Variants in ZNF641 observed in about 807,000 individuals in gnomAD.
The protein encoded by ZNF641 is zinc finger protein 641.
A neutral mutation model predicts 46.2 loss-of-function variants in ZNF641; 26 were observed. That is an observed-to-expected ratio of 0.56 (90% CI 0.41 to 0.78). ZNF641 has a LOEUF of 0.78. Ranked by LOEUF, ZNF641 falls within the 30% of genes least tolerant of loss-of-function variation. ZNF641 has a pLI of 0.00. For missense variants in ZNF641, 469 were observed against 517.8 expected, an observed-to-expected ratio of 0.91 and a Z score of 0.91; for synonymous variants, 163 against 187.9, an observed-to-expected ratio of 0.87 and a Z score of 1.09.
At position 48,342,227 on chromosome 12, in the gene ZNF641, G is replaced by C. The variant is rs1001356602; in HGVS notation, c.*746C>G. Reference sequence around the variant, plus strand: ...GGATATATGTATGTGCAGGATGAAGGGAGTAGGAATAATGGGTAAAAAGGT... The same window carrying C: ...GGATATATGTATGTGCAGGATGAAGCGAGTAGGAATAATGGGTAAAAAGGT... On this transcript the variant is annotated 3_prime_UTR_variant, in exon 6 of 6. Transcript: ENST00000547026. 1.0e-6 allele frequency: 1 copy of C among 985,396 alleles called. No homozygotes were observed. Among genetic ancestry groups the C allele is most frequent in the African/African-American group, 1.7e-5 (1 of 57,236 alleles). 61.0% of individuals were successfully genotyped at this position (985,396 alleles called of 1,614,324 possible). A position where few individuals can be genotyped will look rare whatever the true frequency, so the allele number is the denominator to read the frequency against.
chr12:48,347,859 A>T, intron 2 of ZNF641, 48 bp downstream of exon 2: 1 of 1,574,040 alleles, frequency 6.4e-7, no homozygotes, highest in Non-Finnish European at 8.7e-7. Context: ...TGGAATAAAT[A>T]TTAGGAGACT....
In ZNF641 at chr12:48,347,953, G is replaced by C. The variant is rs1010683198; in HGVS notation, c.138C>G (p.His46Gln). The C allele has an allele frequency of 6.2e-7, 1 of 1,614,080 alleles. No homozygotes were observed. The highest frequency in any genetic ancestry group is 8.5e-7 in the Non-Finnish European group (1 of 1,180,016). ...PWRTVPGPLEHLCCDLEEEPQ... is the reference protein window; with the variant it reads ...PWRTVPGPLEQLCCDLEEEPQ... ...GCTCCTCTTCAAGGTCACAGCACAG[G>C]TGCTCCAGAGGTCCTGGTACTGTTC... The change falls in exon 2 of 6, where the codon CAC becomes CAG. Residue 46 changes from histidine to glutamine, a missense_variant. Around this residue, in one of 3 missense-constraint regions of ZNF641, gnomAD observed 98 missense variants for 105.7 expected, o/e 0.93. Coordinates refer to ENST00000547026, the MANE Select transcript of ZNF641 (RefSeq NM_001172681.2).
intron 1 of ZNF641, among the ~76,000 whole-genome samples, chr12:48,348,912 GTTTA>G (rs1565995691): frequency 1.3e-5 from 2 of 152,298 alleles, no homozygotes; most frequent in Admixed American, 6.5e-5. Context: ...GAACAAACCT[GTTTA>G]TTTGTCAGGC....
At position 48,350,896 on chromosome 12, in the gene ZNF641, G is replaced by A. The variant is rs939482211; in HGVS notation, c.-136C>T. ...CCGGCGGCCGGCGGAGCCAGCGACAGGCGGAGACGGCGGCCCGGCAGGCGC... is the reference window on the plus strand; with the variant it reads ...CCGGCGGCCGGCGGAGCCAGCGACAAGCGGAGACGGCGGCCCGGCAGGCGC... On this transcript the variant is annotated 5_prime_UTR_variant, in exon 1 of 6. Transcript: ENST00000547026. 2.0e-6 allele frequency: 2 copies of A among 982,822 alleles called. No homozygotes were observed. The highest frequency in any genetic ancestry group is 9.4e-5 in the South Asian group (2 of 21,252). The allele number at this position is 982,822 out of a possible 1,614,324, so 60.9% of individuals were successfully genotyped here.
Position 48,340,208 on chromosome 12 carries a change from T to C in ZNF641, c.*2765A>G. 2.0e-6 allele frequency: 2 copies of C among 985,420 alleles called. No homozygotes were observed. The highest frequency in any genetic ancestry group is 2.4e-6 in the Non-Finnish European group (2 of 829,934). The allele number at this position is 985,420 out of a possible 1,614,324, so 61.0% of individuals were successfully genotyped here. ...AGAGAAGACAGTGGTACACCAGAAA[T>C]AACCCAAAGGATTGCCCCTTCTGTA... On this transcript the variant is annotated 3_prime_UTR_variant, in exon 6 of 6. Coordinates refer to ENST00000547026, the MANE Select transcript of ZNF641 (RefSeq NM_001172681.2).
At position 48,350,822 on chromosome 12, in the gene ZNF641, C is replaced by T. The variant is rs944148601; in HGVS notation, c.-62G>A. On this transcript the variant is annotated 5_prime_UTR_variant, in exon 1 of 6. Coordinates refer to ENST00000547026, the MANE Select transcript of ZNF641 (RefSeq NM_001172681.2). ...TTGGCCCGCGGCCCGGTGCCTCCCT[C>T]CCGGGCGCCGCCTGCCCCTCCCCTC... The T allele has an allele frequency of 2.0e-6, 2 of 985,068 alleles. No homozygotes were observed. Among genetic ancestry groups the T allele is most frequent in the Non-Finnish European group, 2.4e-6 (2 of 829,758 alleles). 61.0% of individuals were successfully genotyped at this position (985,068 alleles called of 1,614,324 possible).
chr12:48,337,192 TA>T lies in ZNF641; in HGVS notation c.*5780del, dbSNP rs1478825380. Reference sequence around the variant, plus strand: ...GAGAACAAATAAGTGACACAGCCAATACATCTTTTATTCAACTGACAGGGAC... The same window carrying T: ...GAGAACAAATAAGTGACACAGCCAATCATCTTTTATTCAACTGACAGGGAC... On this transcript the variant is annotated 3_prime_UTR_variant, in exon 6 of 6. Transcript: ENST00000547026. 3 of 152,236 alleles carry T rather than the reference TA, an allele frequency of 2.0e-5. No individual in the cohort carries two copies. The East Asian group carries it at 5.8e-4, about 29-fold the overall frequency. The allele number at this position is 152,236 out of a possible 1,614,324, so 9.4% of individuals were successfully genotyped here.
At chr12:48,345,103 C>A (rs1347999307) in intron 4 of ZNF641, among the ~76,000 whole-genome samples, 3 of 152,088 alleles carry the variant, frequency 2.0e-5, no homozygotes, top group African/African-American at 7.2e-5. Flanking sequence ...AATTCCCAAC[C>A]AAGAAGAACC....
Position 48,339,223 on chromosome 12 carries a change from G to GAAC in ZNF641, c.*3749_*3750insGTT, listed in dbSNP as rs1565984633. 1 of 152,176 alleles carries GAAC rather than the reference G, an allele frequency of 6.6e-6. No individual in the cohort carries two copies. Among genetic ancestry groups the GAAC allele is most frequent in the African/African-American group, 2.4e-5 (1 of 41,430 alleles). 9.4% of individuals were successfully genotyped at this position (152,176 alleles called of 1,614,324 possible). The stretch of plus-strand genomic sequence containing the variant: ...GGGAATGGAACTGAGGTCTAGCCTA[G>GAAC]TGAGGCTACAGAGAATAAACCTGAC... On this transcript the variant is annotated 3_prime_UTR_variant, in exon 6 of 6. Coordinates refer to ENST00000547026, the MANE Select transcript of ZNF641 (RefSeq NM_001172681.2).
rs1483462544 is a variant in ZNF641 at position 48,349,983 on chromosome 12, A to G, written c.-26+803T>C. 5 of 1,602,250 alleles carry G rather than the reference A, an allele frequency of 3.1e-6. No homozygotes were observed. In the South Asian group the frequency reaches 3.3e-5, roughly 11 times the overall value. ...CATTGGGCCAGCTGTAAGTTTTTCTATACCACTGACAGAAATCCGTGGAAG... is the reference window on the plus strand; with the variant it reads ...CATTGGGCCAGCTGTAAGTTTTTCTGTACCACTGACAGAAATCCGTGGAAG... On this transcript the variant is annotated intron_variant, in intron 1 of 5. Coordinates refer to ENST00000547026, the MANE Select transcript of ZNF641 (RefSeq NM_001172681.2).
At chr12:48,344,199 C>CT (rs1288708132) in intron 5 of ZNF641, among the ~76,000 whole-genome samples, 1 of 152,162 alleles carries the variant, frequency 6.6e-6, no homozygotes, top group Non-Finnish European at 1.5e-5. Flanking sequence ...TGAATGACAC[C>CT]TGTCGGCAGT....
chr12:48,340,190 A>G lies in ZNF641; in HGVS notation c.*2783T>C, dbSNP rs145270611. The G allele has an allele frequency of 1.4e-3, 1,378 of 985,394 alleles. 14 individuals carry two copies. The African/African-American group carries it at 0.022, about 16-fold the overall frequency. 61.0% of individuals were successfully genotyped at this position (985,394 alleles called of 1,614,324 possible). A position where few individuals can be genotyped will look rare whatever the true frequency, so the allele number is the denominator to read the frequency against. On this transcript the variant is annotated 3_prime_UTR_variant, in exon 6 of 6. Transcript: ENST00000547026. The stretch of plus-strand genomic sequence containing the variant: ...GTGGTGTTGGACCGAGGTAGAGAAG[A>G]CAGTGGTACACCAGAAATAACCCAA...
Position 48,341,919 on chromosome 12 carries a change from A to G in ZNF641, c.*1054T>C. 1 of 985,470 alleles carries G rather than the reference A, an allele frequency of 1.0e-6. No homozygotes were observed. Among genetic ancestry groups the G allele is most frequent in the Non-Finnish European group, 1.2e-6 (1 of 829,948 alleles). The allele number at this position is 985,470 out of a possible 1,614,324, so 61.0% of individuals were successfully genotyped here. The stretch of plus-strand genomic sequence containing the variant: ...CCTTTCCACTAGTTCTCCCTTAACC[A>G]GACTGCTTCCTGTCTTGAAACAAAG... On this transcript the variant is annotated 3_prime_UTR_variant, in exon 6 of 6. Coordinates refer to ENST00000547026, the MANE Select transcript of ZNF641 (RefSeq NM_001172681.2).
Position 48,342,774 on chromosome 12 carries a change from C to CT in ZNF641, c.*198_*199insA, listed in dbSNP as rs1447484236. ...GATGCATTGCTTCCCAAAAGTTTTG[C>CT]CCAAAGAACTCTATTTTTATGTGCT... On this transcript the variant is annotated 3_prime_UTR_variant, in exon 6 of 6. Coordinates refer to ENST00000547026, the MANE Select transcript of ZNF641 (RefSeq NM_001172681.2). 10 of 1,407,400 alleles carry CT rather than the reference C, an allele frequency of 7.1e-6. No homozygotes were observed. In the African/African-American group the frequency reaches 1.3e-4, roughly 18 times the overall value. 87.2% of individuals were successfully genotyped at this position (1,407,400 alleles called of 1,614,324 possible). A position where few individuals can be genotyped will look rare whatever the true frequency, so the allele number is the denominator to read the frequency against.
In ZNF641 at chr12:48,342,342, C is replaced by G. The variant is rs1201339354; in HGVS notation, c.*631G>C. On this transcript the variant is annotated 3_prime_UTR_variant, in exon 6 of 6. Coordinates refer to ENST00000547026, the MANE Select transcript of ZNF641 (RefSeq NM_001172681.2). ...ACCCACACATGAACAAGGTCTGGCCCCCCTGGCTTTCATATGGATAAAAAA... is the reference window on the plus strand; with the variant it reads ...ACCCACACATGAACAAGGTCTGGCCGCCCTGGCTTTCATATGGATAAAAAA... 4 of 985,602 alleles carry G rather than the reference C, an allele frequency of 4.1e-6. No homozygotes were observed. Among genetic ancestry groups the G allele is most frequent in the Non-Finnish European group, 4.8e-6 (4 of 830,262 alleles). 61.1% of individuals were successfully genotyped at this position (985,602 alleles called of 1,614,324 possible). A position where few individuals can be genotyped will look rare whatever the true frequency, so the allele number is the denominator to read the frequency against.
rs533541932 is a variant in ZNF641 at position 48,338,455 on chromosome 12, C to T, written c.*4518G>A. 23 of 152,368 alleles carry T rather than the reference C, an allele frequency of 1.5e-4. No individual in the cohort carries two copies. Among genetic ancestry groups the T allele is most frequent in the African/African-American group, 5.5e-4 (23 of 41,572 alleles). 9.4% of individuals were successfully genotyped at this position (152,368 alleles called of 1,614,324 possible). A position where few individuals can be genotyped will look rare whatever the true frequency, so the allele number is the denominator to read the frequency against. ...TTGAAGAAAGTCTCAGCCTTGGGGT[C>T]TAATCTTTTGACCTTGGAGAAGACC... On this transcript the variant is annotated 3_prime_UTR_variant, in exon 6 of 6. Coordinates refer to ENST00000547026, the MANE Select transcript of ZNF641 (RefSeq NM_001172681.2).
In ZNF641 at chr12:48,343,488, G is replaced by T; in HGVS notation, c.760C>A (p.Gln254Lys). The change falls in exon 6 of 6, where the codon CAG (glutamine) becomes AAG (lysine). Residue 254 changes from glutamine (Q) to lysine (K), a missense_variant. Coordinates refer to ENST00000547026, the MANE Select transcript of ZNF641 (RefSeq NM_001172681.2). ...CCCCATACAAACTGTTTCCCACACT[G>T]GGGGCATGTGTGGGGTCTTAACAGG... ...DSLLRPHTCPQCGKQFVWGSH... is the reference protein window; with the variant it reads ...DSLLRPHTCPKCGKQFVWGSH... 6.2e-7 allele frequency: 1 copy of T among 1,613,738 alleles called. No homozygotes were observed. The highest frequency in any genetic ancestry group is 8.5e-7 in the Non-Finnish European group (1 of 1,179,702).
chr12:48,337,086 G>A (rs1220541774), downstream of ZNF641: 2 of 152,242 alleles, frequency 1.3e-5, no homozygotes, highest in Admixed American at 6.5e-5. Flanking sequence ...AAGATTCTGC[G>A]ACTTATCTTC....
chr12:48,347,088 C>A, intron 3 of ZNF641, 164 bp downstream of exon 3: 1 of 1,281,916 alleles, frequency 7.8e-7, no homozygotes, highest in Non-Finnish European at 1.0e-6. Flanking sequence ...ATTTAATTTT[C>A]CAAGGGTCTT....
Sources: gnomAD v4.1 joint callset for allele counts (sites outside exome capture counted in the v4.1 genomes callset) on GRCh38, gnomAD v4.1.1 for gene constraint, gnomAD v4.1.1 regional missense constraint, MANE v1.5 for transcripts, NCBI Gene and HGNC (gene_info 2026-07-23, HGNC 2026-07-21) for gene names.